Variants in NBEA observed in about 807,000 individuals in gnomAD.
NBEA encodes neurobeachin.
Under a neutral mutation model 343.4 loss-of-function variants are expected in NBEA, and 44 were observed. The observed-to-expected ratio is 0.13, with a 90% CI of 0.10 to 0.16. The LOEUF is 0.16. Ranked by LOEUF, NBEA falls within the 10% of genes least tolerant of loss-of-function variation. The probability of loss-of-function intolerance (pLI) is 1.00; values close to 1 mark genes in which losing one functional copy is unlikely to be tolerated. For synonymous variants in NBEA, 1,175 were observed against 1,238.7 expected, an observed-to-expected ratio of 0.95 and a Z score of 1.08; for missense variants, 2,555 against 3,631.3, an observed-to-expected ratio of 0.70 and a Z score of 7.62.
Position 35,490,476 on chromosome 13 carries a change from A to G in NBEA, c.6585+17940A>G, listed in dbSNP as rs190418030. Among the ~76,000 whole-genome samples, 732 of 152,048 alleles carry G rather than the reference A, an allele frequency of 4.8e-3. 5 individuals are homozygous for G. The highest frequency in any genetic ancestry group is 0.016 in the African/African-American group (672 of 41,516). ...GTTGGAGATTCCTGAATCTCATTACAGGATACCTAATCCAGCCTCAGATAA... is the reference window on the plus strand; with the variant it reads ...GTTGGAGATTCCTGAATCTCATTACGGGATACCTAATCCAGCCTCAGATAA... On this transcript the variant is annotated intron_variant, in intron 41 of 58. Transcript: ENST00000379939.
At chr13:35,140,735 C>T (rs578238437) in intron 17 of NBEA, among the ~76,000 whole-genome samples, 71 of 152,118 alleles carry the variant, frequency 4.7e-4, no homozygotes, top group African/African-American at 1.6e-3. Flanking sequence ...ATGAATGGTA[C>T]GGACATAAAT....
intron 38 of NBEA, among the ~76,000 whole-genome samples, chr13:35,407,803 A>G (rs1566087399): frequency 6.6e-6 from 1 of 152,202 alleles, no homozygotes; most frequent in Non-Finnish European, 1.5e-5. Flanking sequence ...ACAGCTAACT[A>G]GGGAGGTGAA....
intron 8 of NBEA, among the ~76,000 whole-genome samples, chr13:35,067,354 A>ATGCAT (rs2063691873): frequency 6.6e-6 from 1 of 152,140 alleles, no homozygotes; most frequent in African/African-American, 2.4e-5. Flanking sequence ...ACTGAAAAGA[A>ATGCAT]TGCATCATAC....
intron 1 of NBEA, among the ~76,000 whole-genome samples, chr13:34,980,368 T>A (rs2060316462): frequency 6.6e-6 from 1 of 151,990 alleles, no homozygotes; most frequent in African/African-American, 2.4e-5. Flanking sequence ...CTAGATCTTT[T>A]AAAAATTTCT....
At chr13:35,448,725 G>A (rs1439633419) in intron 39 of NBEA, among the ~76,000 whole-genome samples, 1 of 152,222 alleles carries the variant, frequency 6.6e-6, no homozygotes, top group African/African-American at 2.4e-5. Flanking sequence ...ATAAGGGAAA[G>A]AGTACACAAG....
intron 17 of NBEA, among the ~76,000 whole-genome samples, chr13:35,123,810 A>G (rs2152677415): frequency 6.6e-6 from 1 of 152,298 alleles, no homozygotes; most frequent in South Asian, 2.1e-4. Context: ...TCCTGAAAAG[A>G]AAGCATTATC....
Position 35,123,516 on chromosome 13 carries a change from A to G in NBEA, c.2278A>G (p.Ser760Gly), listed in dbSNP as rs1171541158. 2 of 1,538,828 alleles carry G rather than the reference A, an allele frequency of 1.3e-6. No individual in the cohort carries two copies. Among genetic ancestry groups the G allele is most frequent in the Non-Finnish European group, 8.8e-7 (1 of 1,137,724 alleles). ...CAAATTATTGGCTTCTAAAAGTGAA[A>G]GTATTTGGGTTCAAGCTTTGAAGGT... is the stretch of plus-strand genomic sequence containing the variant. The part of the protein sequence containing the change: ...IYKLLASKSE[S>G]IWVQALKVLG... Residue 760 changes from serine to glycine, a missense_variant, in exon 17 of 59, where the codon AGT becomes GGT. Physicochemically the swap from Ser to Gly is moderately conservative, Grantham distance 56. Coordinates refer to ENST00000379939, the MANE Select transcript of NBEA (RefSeq NM_001385012.1).
intron 41 of NBEA, among the ~76,000 whole-genome samples, chr13:35,512,550 C>G (rs1278579221): frequency 6.6e-6 from 1 of 152,204 alleles, no homozygotes; most frequent in Non-Finnish European, 1.5e-5. Context: ...TTCTTCTTCT[C>G]AACAGATAAT....
intron 34 of NBEA, among the ~76,000 whole-genome samples, chr13:35,254,027 A>G (rs1285666915): frequency 6.6e-6 from 1 of 152,106 alleles, no homozygotes; most frequent in Non-Finnish European, 1.5e-5. Context: ...TTTCTCCTCC[A>G]AACTATAGCA....
chr13:34,963,557 T>TA (rs955421046), intron 1 of NBEA, among the ~76,000 whole-genome samples: 1 of 151,910 alleles, frequency 6.6e-6, no homozygotes, highest in African/African-American at 2.4e-5. Context: ...AAAATAAGGG[T>TA]AAAATGAGTG....
At chr13:35,179,704 G>A in intron 28 of NBEA, 1 of 876,142 alleles carries the variant, frequency 1.1e-6, no homozygotes, top group Admixed American at 6.2e-5. Context: ...AATGCCTTCT[G>A]ATTGCCTGGT....
At chr13:35,283,908 TGTAA>T (rs1002110706) in intron 34 of NBEA, among the ~76,000 whole-genome samples, 5 of 152,184 alleles carry the variant, frequency 3.3e-5, no homozygotes, top group Admixed American at 1.3e-4. Context: ...TCTATAGATG[TGTAA>T]GTGTGTGTAT....
At chr13:35,405,390 T>C (rs2043222260) in intron 38 of NBEA, among the ~76,000 whole-genome samples, 1 of 152,220 alleles carries the variant, frequency 6.6e-6, no homozygotes, top group South Asian at 2.1e-4. Flanking sequence ...CTACTGCTGC[T>C]TTCTTATATG....
At chr13:35,643,989 G>A (rs955587716) in intron 49 of NBEA, among the ~76,000 whole-genome samples, 11 of 152,106 alleles carry the variant, frequency 7.2e-5, no homozygotes, top group Non-Finnish European at 1.0e-4. Context: ...CCCCTCAAAC[G>A]TTTTAGTAAT....
At chr13:35,053,109 C>G (rs2063122903) in intron 6 of NBEA, among the ~76,000 whole-genome samples, 1 of 152,026 alleles carries the variant, frequency 6.6e-6, no homozygotes, top group Non-Finnish European at 1.5e-5. Context: ...TCAATTTTAT[C>G]TTTATCCACA....
chr13:35,093,751 G>A (rs933975803), intron 10 of NBEA, among the ~76,000 whole-genome samples: 1 of 151,908 alleles, frequency 6.6e-6, no homozygotes, highest in Non-Finnish European at 1.5e-5. Flanking sequence ...ATTTACTATA[G>A]TGGTGGCTGC....
chr13:35,501,719 T>C (rs2076893312), intron 41 of NBEA, among the ~76,000 whole-genome samples: 1 of 152,148 alleles, frequency 6.6e-6, no homozygotes, highest in Non-Finnish European at 1.5e-5. Flanking sequence ...AAACAGTTAA[T>C]ATATGGTAAA....
At chr13:35,555,134 T>C (rs763808914) in intron 44 of NBEA, 32 bp downstream of exon 44, 4 of 1,229,582 alleles carry the variant, frequency 3.3e-6, no homozygotes, top group Admixed American at 3.9e-5. Context: ...TCTAATAATA[T>C]GTTTATGTTC....
chr13:35,000,147 G>T (rs2061077816), intron 1 of NBEA, among the ~76,000 whole-genome samples: 1 of 152,010 alleles, frequency 6.6e-6, no homozygotes, highest in South Asian at 2.1e-4. Context: ...ACAATTTCAG[G>T]CATACAGGGA....
Sources: gnomAD v4.1 joint callset for allele counts (sites outside exome capture counted in the v4.1 genomes callset) on GRCh38, gnomAD v4.1.1 for gene constraint, MANE v1.5 for transcripts, NCBI Gene and HGNC (gene_info 2026-07-23, HGNC 2026-07-21) for gene names.